The following SCML4 variants were observed in gnomAD, a reference collection of about 807,000 sequenced individuals.
SCML4 encodes the protein sex comb on midleg-like protein 4.
In SCML4, 34 loss-of-function variants were observed where a neutral mutation model predicts 41.1. That is an observed-to-expected ratio of 0.83 (90% CI 0.63 to 1.10). SCML4 has a LOEUF of 1.10. SCML4 is among the 50% of genes least tolerant of loss of function. The pLI is 0.00. For missense variants in SCML4, 522 were observed against 534.1 expected (o/e 0.98, Z 0.22); for synonymous variants, 214 against 220.9 (o/e 0.97, Z 0.28).
intron 1 of SCML4, among the ~76,000 whole-genome samples, chr6:107,812,880 T>TACACACACGCAC (rs1784261450): frequency 7.1e-6 from 1 of 141,372 alleles, no homozygotes; most frequent in Non-Finnish European, 1.5e-5. Context: ...CACAGACACA[T>TACACACACGCAC]ACACACACAC....
chr6:107,790,315 C>G (rs184810793), intron 1 of SCML4, among the ~76,000 whole-genome samples: 1 of 152,060 alleles, frequency 6.6e-6, no homozygotes, highest in Non-Finnish European at 1.5e-5. Flanking sequence ...GTGAATCCTC[C>G]GCCAATATGG....
chr6:107,739,151 G>A (rs1047895872), intron 5 of SCML4, among the ~76,000 whole-genome samples: 1 of 152,062 alleles, frequency 6.6e-6, no homozygotes, highest in Non-Finnish European at 1.5e-5. Context: ...AAGCACCTGG[G>A]GATCTGTTGT....
chr6:107,836,951 A>G, the SCML4 span, among the ~76,000 whole-genome samples: 1 of 152,236 alleles, frequency 6.6e-6, no homozygotes, highest in African/African-American at 2.4e-5. Flanking sequence ...CTAAGGCCAC[A>G]AAGTTTTAGA....
At chr6:107,832,312 G>C in the SCML4 span, among the ~76,000 whole-genome samples, 1 of 152,198 alleles carries the variant, frequency 6.6e-6, no homozygotes, top group Admixed American at 6.5e-5. Context: ...TGACCCAACA[G>C]TTGGTCAATA....
At chr6:107,743,601 T>C (rs1480241182) in intron 5 of SCML4, among the ~76,000 whole-genome samples, 1 of 152,236 alleles carries the variant, frequency 6.6e-6, no homozygotes, top group Non-Finnish European at 1.5e-5. Context: ...AACTCCAACC[T>C]GTCATTTACC....
the SCML4 span, among the ~76,000 whole-genome samples, chr6:107,832,819 G>A: frequency 1.6e-3 from 242 of 152,290 alleles, 2 homozygotes; most frequent in Non-Finnish European, 2.3e-3. Context: ...GCTGCGCGCC[G>A]CACATGTGAC....
intron 6 of SCML4, among the ~76,000 whole-genome samples, chr6:107,717,547 TTTTA>T (rs925845861): frequency 1.3e-5 from 2 of 152,054 alleles, no homozygotes; most frequent in African/African-American, 2.4e-5. Context: ...TAATATTTAT[TTTTA>T]TTTATTTATT....
chr6:107,758,343 C>T (rs1779275062), intron 2 of SCML4, among the ~76,000 whole-genome samples: 1 of 152,160 alleles, frequency 6.6e-6, no homozygotes, highest in African/African-American at 2.4e-5. Context: ...TTCAAGAAAC[C>T]AGAGTGGTTG....
At chr6:107,817,977 T>C (rs1213121199) in intron 1 of SCML4, among the ~76,000 whole-genome samples, 2 of 152,182 alleles carry the variant, frequency 1.3e-5, no homozygotes, top group Admixed American at 1.3e-4. Flanking sequence ...TTTGCCCTCT[T>C]TATTTATGTT....
intron 1 of SCML4, among the ~76,000 whole-genome samples, chr6:107,804,073 A>C (rs1212568707): frequency 6.4e-4 from 94 of 146,548 alleles, no homozygotes; most frequent in African/African-American, 2.3e-3. Flanking sequence ...AAAAGAAAAA[A>C]AAAAAAAAAG....
At chr6:107,813,370 T>TA (rs1491431161) in intron 1 of SCML4, among the ~76,000 whole-genome samples, 2 of 42,472 alleles carry the variant, frequency 4.7e-5, no homozygotes, top group African/African-American at 2.7e-4. Context: ...CTCAAAAAAA[T>TA]TATATATATA....
intron 5 of SCML4, among the ~76,000 whole-genome samples, chr6:107,721,884 A>T (rs1342460131): frequency 6.6e-6 from 1 of 152,080 alleles, no homozygotes; most frequent in Non-Finnish European, 1.5e-5. Context: ...TTCACAGGAG[A>T]GCTAAAGAGC....
chr6:107,753,193 G>C (rs1778832980), intron 2 of SCML4, among the ~76,000 whole-genome samples: 1 of 152,304 alleles, frequency 6.6e-6, no homozygotes, highest in East Asian at 1.9e-4. Context: ...ATGTTGGCAA[G>C]GATGTGGAGA....
At chr6:107,752,202 T>G (rs940855089) in intron 2 of SCML4, among the ~76,000 whole-genome samples, 3 of 152,026 alleles carry the variant, frequency 2.0e-5, no homozygotes, top group Non-Finnish European at 2.9e-5. Flanking sequence ...GAGTAGTTTT[T>G]TTGTTGTTGT....
upstream of SCML4, among the ~76,000 whole-genome samples, chr6:107,828,618 G>A (rs923537856): frequency 1.3e-5 from 2 of 152,194 alleles, no homozygotes; most frequent in Non-Finnish European, 2.9e-5. Context: ...CATTTCTGTA[G>A]TAAGGAAGGG....
At chr6:107,727,384 T>C (rs542098694) in intron 5 of SCML4, among the ~76,000 whole-genome samples, 1 of 152,340 alleles carries the variant, frequency 6.6e-6, no homozygotes, top group East Asian at 1.9e-4. Flanking sequence ...GTACCTTAAA[T>C]GGTGAATTGT....
At chr6:107,776,127 G>T (rs1015846417) in intron 1 of SCML4, among the ~76,000 whole-genome samples, 1 of 152,044 alleles carries the variant, frequency 6.6e-6, no homozygotes, top group Non-Finnish European at 1.5e-5. Flanking sequence ...GAAAACTTGG[G>T]AAGCAGAACC....
At chr6:107,721,553 A>G (rs1431735099) in intron 5 of SCML4, among the ~76,000 whole-genome samples, 1 of 152,090 alleles carries the variant, frequency 6.6e-6, no homozygotes, top group Non-Finnish European at 1.5e-5. Context: ...GAGTAAGATC[A>G]AAGACTTTCT....
chr6:107,740,097 G>C, intron 5 of SCML4: 1 of 470,778 alleles, frequency 2.1e-6, no homozygotes, highest in South Asian at 1.5e-5. Context: ...CAGCTGACTG[G>C]GAGGAAAACC....
Sources: gnomAD v4.1 joint callset for allele counts (sites outside exome capture counted in the v4.1 genomes callset) on GRCh38, gnomAD v4.1.1 for gene constraint, MANE v1.5 for transcripts, NCBI Gene and HGNC (gene_info 2026-07-23, HGNC 2026-07-21) for gene names.